Variants in TMEM163 observed in about 807,000 individuals in gnomAD.
TMEM163 encodes transmembrane protein 163.
Under a neutral mutation model 29.3 loss-of-function variants are expected in TMEM163, and 17 were observed. The observed-to-expected ratio is 0.58, with a 90% confidence interval of 0.40 to 0.87. The LOEUF (loss-of-function observed/expected upper bound fraction) is 0.87, where lower values mean the gene tolerates loss of function less well. Among genes scored for constraint, TMEM163 ranks in the 40% least tolerant of loss-of-function variants. The probability of loss-of-function intolerance (pLI) is 0.00; values close to 1 mark genes in which losing one functional copy is unlikely to be tolerated. For synonymous variants in TMEM163, 157 were observed against 160.6 expected (o/e 0.98, Z 0.17); for missense variants, 303 against 381.5 (o/e 0.79, Z 1.71).
intron 5 of TMEM163, among the ~76,000 whole-genome samples, chr2:134,484,073 C>T (rs939115508): frequency 3.3e-5 from 5 of 152,150 alleles, no homozygotes; most frequent in East Asian, 1.9e-4. Flanking sequence ...ACCCAGAAGA[C>T]GAATGTTGCA....
At chr2:134,526,619 T>C (rs533953634) in intron 4 of TMEM163, among the ~76,000 whole-genome samples, 3 of 152,346 alleles carry the variant, frequency 2.0e-5, no homozygotes, top group South Asian at 4.1e-4. Flanking sequence ...AAATCAACTA[T>C]GTGAAACTGA....
intron 2 of TMEM163, 142 bp downstream of exon 2, chr2:134,713,058 T>A: frequency 8.0e-7 from 1 of 1,253,192 alleles, no homozygotes; most frequent in Non-Finnish European, 1.1e-6. Context: ...GACTAATTTA[T>A]CAGTACCCTG....
chr2:134,592,097 T>A (rs1023171471), intron 2 of TMEM163, among the ~76,000 whole-genome samples: 13 of 152,148 alleles, frequency 8.5e-5, no homozygotes, highest in Non-Finnish European at 1.5e-4. Context: ...TCAAAGATTT[T>A]TGGATTGGCA....
intron 2 of TMEM163, among the ~76,000 whole-genome samples, chr2:134,570,077 T>A (rs1165829013): frequency 6.6e-6 from 1 of 152,170 alleles, no homozygotes; most frequent in African/African-American, 2.4e-5. Context: ...GCAAGAGTAG[T>A]TGATGCTGGC....
intron 2 of TMEM163, among the ~76,000 whole-genome samples, chr2:134,634,656 A>G (rs1288995133): frequency 6.6e-6 from 1 of 152,262 alleles, no homozygotes; most frequent in Non-Finnish European, 1.5e-5. Context: ...ATTTAACACA[A>G]TATGACAGGG....
At chr2:134,705,248 C>T (rs1173886944) in intron 2 of TMEM163, among the ~76,000 whole-genome samples, 2 of 151,906 alleles carry the variant, frequency 1.3e-5, no homozygotes, top group African/African-American at 4.8e-5. Flanking sequence ...GCCCTAACCC[C>T]CAGTACCCCA....
At chr2:134,718,310 C>T (rs1367099098) in intron 1 of TMEM163, among the ~76,000 whole-genome samples, 1 of 152,216 alleles carries the variant, frequency 6.6e-6, no homozygotes, top group South Asian at 2.1e-4. Context: ...TCCCAGGCAG[C>T]CGGCGGAGCC....
At chr2:134,695,928 T>C (rs1045886310) in intron 2 of TMEM163, among the ~76,000 whole-genome samples, 43 of 151,924 alleles carry the variant, frequency 2.8e-4, no homozygotes, top group African/African-American at 8.2e-4. Flanking sequence ...GGTGGGTGCC[T>C]GTAATCCCAG....
At chr2:134,573,307 C>G (rs1681475533) in intron 2 of TMEM163, among the ~76,000 whole-genome samples, 1 of 152,196 alleles carries the variant, frequency 6.6e-6, no homozygotes, top group African/African-American at 2.4e-5. Flanking sequence ...ATATCTGTCA[C>G]ATCATAAAAG....
intron 4 of TMEM163, among the ~76,000 whole-genome samples, chr2:134,525,389 C>T (rs1202805866): frequency 6.6e-6 from 1 of 152,170 alleles, no homozygotes; most frequent in Non-Finnish European, 1.5e-5. Flanking sequence ...GACTTAGCTT[C>T]CTTGGAATTT....
chr2:134,593,603 G>A (rs1681989373), intron 2 of TMEM163, among the ~76,000 whole-genome samples: 1 of 152,170 alleles, frequency 6.6e-6, no homozygotes, highest in Admixed American at 6.5e-5. Flanking sequence ...GGACTAGGGT[G>A]AGGAGAATGT....
intron 2 of TMEM163, among the ~76,000 whole-genome samples, chr2:134,621,255 AT>A (rs1682725285): frequency 6.6e-6 from 1 of 152,248 alleles, no homozygotes; most frequent in South Asian, 2.1e-4. Flanking sequence ...CATTAGGGCA[AT>A]ACAAATGAAA....
chr2:134,521,321 G>A (rs116523172), intron 4 of TMEM163, among the ~76,000 whole-genome samples: 1 of 152,174 alleles, frequency 6.6e-6, no homozygotes, highest in African/African-American at 2.4e-5. Flanking sequence ...TAAGGCTTAG[G>A]CATGGCTCTA....
intron 5 of TMEM163, among the ~76,000 whole-genome samples, chr2:134,483,893 C>T (rs1235445771): frequency 1.3e-5 from 2 of 152,218 alleles, no homozygotes; most frequent in Non-Finnish European, 2.9e-5. Flanking sequence ...CCTCCAATCC[C>T]AGCACTTTGG....
intron 2 of TMEM163, among the ~76,000 whole-genome samples, chr2:134,689,938 G>A (rs762521588): frequency 2.6e-5 from 4 of 152,060 alleles, no homozygotes; most frequent in Non-Finnish European, 4.4e-5. Flanking sequence ...TTGTTTGTTT[G>A]TTTGTTTTTG....
intron 4 of TMEM163, among the ~76,000 whole-genome samples, chr2:134,530,896 C>G (rs1197209004): frequency 3.9e-5 from 6 of 152,234 alleles, no homozygotes; most frequent in Middle Eastern, 6.8e-3. Context: ...CAACACACAC[C>G]CTTCCTTTGA....
chr2:134,713,023 T>A (rs1007953032), intron 2 of TMEM163, among the ~76,000 whole-genome samples, 177 bp downstream of exon 2: 8 of 152,128 alleles, frequency 5.3e-5, no homozygotes, highest in Non-Finnish European at 1.0e-4. Context: ...TACCACCCTT[T>A]CCTATGCAGA....
rs183313283 is a variant in TMEM163, at chr2:134,718,683, G to A, written c.202+51C>T. 2.7e-3 allele frequency: 2,995 copies of A among 1,111,978 alleles called. 52 individuals carry two copies. The African/African-American group carries it at 0.043, about 16-fold the overall frequency. The allele number at this position is 1,111,978 out of a possible 1,614,324, so 68.9% of individuals were successfully genotyped here. A position where few individuals can be genotyped will look rare whatever the true frequency, so the allele number is the denominator to read the frequency against. On this transcript the variant is annotated intron_variant, in intron 1 of 7. Transcript: ENST00000281924. The stretch of plus-strand genomic sequence containing the variant: ...GCGGCCCGCGAGTGGGGAGAGGCGG[G>A]CCCCGAGCAGCCACCCCGGTCGCCG...
intron 2 of TMEM163, among the ~76,000 whole-genome samples, chr2:134,634,181 A>T (rs767916512): frequency 1.6e-4 from 25 of 151,900 alleles, no homozygotes; most frequent in Non-Finnish European, 3.4e-4. Flanking sequence ...ATGAACAAAA[A>T]AGCCTGTGTG....
Sources: allele counts gnomAD v4.1 joint callset (sites outside exome capture counted in the v4.1 genomes callset), GRCh38; gene constraint gnomAD v4.1.1; transcripts MANE v1.5; gene names NCBI Gene and HGNC (gene_info 2026-07-23, HGNC 2026-07-21).